Variants in SLC8A1 observed in about 807,000 individuals in gnomAD.
The protein encoded by SLC8A1 is solute carrier family 8 member A1.
SLC8A1 carries 18 observed loss-of-function variants against 68.3 expected under a neutral mutation model. The ratio of observed to expected loss-of-function variants is 0.26; its 90% CI spans 0.18 to 0.39. The LOEUF is 0.39. Ranked by LOEUF, SLC8A1 falls within the 10% of genes least tolerant of loss-of-function variation. The pLI, the probability that SLC8A1 is intolerant of heterozygous loss-of-function variation, is 1.00. For missense variants in SLC8A1, 985 were observed against 1,156.7 expected (o/e 0.85, Z 2.15); for synonymous variants, 475 against 415.5 (o/e 1.14, Z -1.74).
intron 2 of SLC8A1, among the ~76,000 whole-genome samples, chr2:40,271,541 A>G (rs1346257770): frequency 6.6e-6 from 1 of 152,256 alleles, no homozygotes; most frequent in African/African-American, 2.4e-5. Context: ...ACGACCTGAC[A>G]TTACATTATA....
At chr2:40,435,701 G>A (rs988774142) in intron 1 of SLC8A1, among the ~76,000 whole-genome samples, 1 of 152,100 alleles carries the variant, frequency 6.6e-6, no homozygotes, top group Non-Finnish European at 1.5e-5. Flanking sequence ...ATAAAATAAC[G>A]AAGTTGTTGA....
Position 40,483,278 on chromosome 2 carries a change from A to T in SLC8A1, c.-25+29071T>A, listed in dbSNP as rs61172166. Among the ~76,000 whole-genome samples the T allele has an allele frequency of 5.7e-3, 854 of 150,290 alleles. 8 individuals are homozygous for T. The highest frequency in any genetic ancestry group is 0.018 in the African/African-American group (760 of 41,240). ...ATCACTGAAAATATATATGTTAAAA[A>T]ATATATATATATATGATAAATAATT... On this transcript the variant is annotated intron_variant, in intron 1 of 7. Coordinates refer to the SLC8A1 transcript ENST00000402441.
At chr2:40,501,467 C>T (rs562949422) in intron 1 of SLC8A1, among the ~76,000 whole-genome samples, 1 of 152,118 alleles carries the variant, frequency 6.6e-6, no homozygotes, top group African/African-American at 2.4e-5. Context: ...CATTTATCTC[C>T]CTTATTTCTG....
intron 2 of SLC8A1, among the ~76,000 whole-genome samples, chr2:40,313,909 TTAAA>T (rs1428480492): frequency 1.6e-4 from 25 of 151,968 alleles, no homozygotes; most frequent in African/African-American, 4.8e-4. Flanking sequence ...TGAGCATTAA[TTAAA>T]TATTCTGATA....
chr2:40,273,615 T>C (rs1212102500), intron 2 of SLC8A1, among the ~76,000 whole-genome samples: 1 of 152,210 alleles, frequency 6.6e-6, no homozygotes, highest in Non-Finnish European at 1.5e-5. Context: ...ATTTATTAGG[T>C]ATAATAGGGC....
chr2:40,215,074 T>A (rs370409152), intron 2 of SLC8A1, among the ~76,000 whole-genome samples: 2 of 152,328 alleles, frequency 1.3e-5, no homozygotes, highest in East Asian at 3.9e-4. Context: ...GTATTTATTA[T>A]ATGTGTAATT....
intron 2 of SLC8A1, among the ~76,000 whole-genome samples, chr2:40,260,618 T>C (rs903778151): frequency 1.4e-4 from 22 of 152,162 alleles, no homozygotes; most frequent in Non-Finnish European, 3.2e-4. Flanking sequence ...TAATAGGAAT[T>C]CAAGCTTCCA....
chr2:40,288,493 T>C (rs371955510), intron 2 of SLC8A1, among the ~76,000 whole-genome samples: 5 of 151,846 alleles, frequency 3.3e-5, no homozygotes, highest in African/African-American at 1.2e-4. Context: ...CCCCTACTCC[T>C]CTCCCCTCCA....
intron 6 of SLC8A1, among the ~76,000 whole-genome samples, chr2:40,156,518 T>G (rs986741300): frequency 6.6e-6 from 1 of 151,776 alleles, no homozygotes; most frequent in Non-Finnish European, 1.5e-5. Flanking sequence ...GAGGGAGGAG[T>G]GTGTTGACTT....
chr2:40,229,664 T>G (rs1200467845), intron 2 of SLC8A1, among the ~76,000 whole-genome samples: 1 of 152,046 alleles, frequency 6.6e-6, no homozygotes, highest in East Asian at 1.9e-4. Context: ...CATCCTTTCC[T>G]GGAAAGGTTC....
intron 7 of SLC8A1, among the ~76,000 whole-genome samples, chr2:40,132,959 T>C (rs751493616): frequency 1.4e-4 from 22 of 152,194 alleles, no homozygotes; most frequent in Non-Finnish European, 2.6e-4. Flanking sequence ...CCTTTTGACA[T>C]TTTTTTAGAG....
At chr2:40,248,345 ACCTTTGGGAAGTGATTAGGT>A (rs1470753021) in intron 2 of SLC8A1, among the ~76,000 whole-genome samples, 1 of 152,118 alleles carries the variant, frequency 6.6e-6, no homozygotes, top group Non-Finnish European at 1.5e-5. Context: ...GAAGGTGGGT[ACCTTTGGGAAGTGATTAGGT>A]CACTCTTAAG....
At chr2:40,422,765 C>T (rs964122821) in intron 2 of SLC8A1, among the ~76,000 whole-genome samples, 1 of 152,034 alleles carries the variant, frequency 6.6e-6, no homozygotes, top group Non-Finnish European at 1.5e-5. Context: ...TATTTTACTA[C>T]AAATCTGTTA....
At chr2:40,427,794 T>C (rs1387613148) in intron 2 of SLC8A1, among the ~76,000 whole-genome samples, 1 of 152,086 alleles carries the variant, frequency 6.6e-6, no homozygotes, top group African/African-American at 2.4e-5. Flanking sequence ...ACTGTATCAG[T>C]GGGGTACAGG....
At chr2:40,143,606 T>C (rs868720120) in intron 6 of SLC8A1, among the ~76,000 whole-genome samples, 1 of 152,176 alleles carries the variant, frequency 6.6e-6, no homozygotes, top group Non-Finnish European at 1.5e-5. Flanking sequence ...TTCTTAAATA[T>C]AACTACAAAA....
chr2:40,280,769 A>C (rs1438653111), intron 2 of SLC8A1, among the ~76,000 whole-genome samples: 1 of 152,198 alleles, frequency 6.6e-6, no homozygotes, highest in Non-Finnish European at 1.5e-5. Context: ...GCTCCTAAGA[A>C]GAGGTGACAT....
At chr2:40,152,392 T>G (rs1196122966) in intron 6 of SLC8A1, among the ~76,000 whole-genome samples, 1 of 152,028 alleles carries the variant, frequency 6.6e-6, no homozygotes, top group East Asian at 1.9e-4. Flanking sequence ...AGACTTGTAG[T>G]TTGGATACTA....
intron 2 of SLC8A1, among the ~76,000 whole-genome samples, chr2:40,333,102 GA>G (rs545486337): frequency 1.3e-5 from 2 of 151,802 alleles, no homozygotes; most frequent in Non-Finnish European, 2.9e-5. Flanking sequence ...GGTAAATTAC[GA>G]AAAAAAATCT....
At chr2:40,217,106 G>A (rs2057619290) in intron 2 of SLC8A1, among the ~76,000 whole-genome samples, 1 of 152,118 alleles carries the variant, frequency 6.6e-6, no homozygotes, top group Non-Finnish European at 1.5e-5. Context: ...TTCTTTTAGG[G>A]TTTTTATGGT....
Sources: allele counts gnomAD v4.1 joint callset (sites outside exome capture counted in the v4.1 genomes callset), GRCh38; gene constraint gnomAD v4.1.1; transcripts MANE v1.5; gene names NCBI Gene and HGNC (gene_info 2026-07-23, HGNC 2026-07-21).